Variants in PIP4K2A observed in about 807,000 individuals in gnomAD.
PIP4K2A encodes the protein phosphatidylinositol-5-phosphate 4-kinase type 2 alpha.
PIP4K2A carries 14 observed loss-of-function variants against 42.9 expected under a neutral mutation model. The ratio of observed to expected loss-of-function variants is 0.33; its 90% CI spans 0.22 to 0.51. The LOEUF (loss-of-function observed/expected upper bound fraction) is 0.51. Ranked by LOEUF, PIP4K2A falls within the 20% of genes least tolerant of loss-of-function variation. The pLI, the probability that PIP4K2A is intolerant of heterozygous loss-of-function variation, is 0.97. For synonymous variants in PIP4K2A, 192 were observed against 192.2 expected (o/e 1.00, Z 0.01); for missense variants, 434 against 519.8 (o/e 0.83, Z 1.61).
At chr10:22,688,170 G>A (rs917774008) in intron 1 of PIP4K2A, among the ~76,000 whole-genome samples, 2 of 152,124 alleles carry the variant, frequency 1.3e-5, no homozygotes, top group African/African-American at 4.8e-5. Context: ...CCACCAAAGT[G>A]ACAATAATCT....
chr10:22,666,672 T>C (rs954719099), intron 1 of PIP4K2A, among the ~76,000 whole-genome samples: 1 of 152,192 alleles, frequency 6.6e-6, no homozygotes, highest in African/African-American at 2.4e-5. Flanking sequence ...TCTTCTTAAG[T>C]TCTCCCTGCA....
intron 1 of PIP4K2A, among the ~76,000 whole-genome samples, chr10:22,612,850 G>A (rs1838086198): frequency 6.6e-6 from 1 of 152,146 alleles, no homozygotes; most frequent in Non-Finnish European, 1.5e-5. Flanking sequence ...GGACAGGTGG[G>A]TCTGAAGTTC....
chr10:22,648,428 C>A (rs1838928734), intron 1 of PIP4K2A, among the ~76,000 whole-genome samples: 1 of 152,150 alleles, frequency 6.6e-6, no homozygotes, highest in Non-Finnish European at 1.5e-5. Flanking sequence ...ATATTTCTTC[C>A]ATGGGACAAC....
chr10:22,697,712 C>A (rs919240435), intron 1 of PIP4K2A, among the ~76,000 whole-genome samples: 1 of 150,964 alleles, frequency 6.6e-6, no homozygotes, highest in Non-Finnish European at 1.5e-5. Context: ...GGTAACAGGG[C>A]AAAACTGCAT....
intron 1 of PIP4K2A, among the ~76,000 whole-genome samples, chr10:22,677,240 G>C (rs914393415): frequency 1.3e-5 from 2 of 151,960 alleles, no homozygotes; most frequent in Non-Finnish European, 2.9e-5. Context: ...TCCGGGCACC[G>C]ATTCCACACC....
chr10:22,566,413 C>T (rs1244607258), intron 6 of PIP4K2A, among the ~76,000 whole-genome samples: 1 of 152,192 alleles, frequency 6.6e-6, no homozygotes, highest in African/African-American at 2.4e-5. Flanking sequence ...GGAATGAACA[C>T]CTACCTACCC....
intron 1 of PIP4K2A, among the ~76,000 whole-genome samples, chr10:22,700,886 A>G (rs1833701305): frequency 6.6e-6 from 1 of 152,254 alleles, no homozygotes; most frequent in Admixed American, 6.5e-5. Context: ...CACAAACAAA[A>G]GTAATTTAAA....
intron 1 of PIP4K2A, among the ~76,000 whole-genome samples, chr10:22,707,419 T>A (rs1833842084): frequency 6.6e-6 from 1 of 152,236 alleles, no homozygotes; most frequent in Non-Finnish European, 1.5e-5. Flanking sequence ...TAAAACTCCC[T>A]ACAACATTTT....
chr10:22,551,685 A>G (rs1159070894), intron 6 of PIP4K2A, among the ~76,000 whole-genome samples: 1 of 152,242 alleles, frequency 6.6e-6, no homozygotes, highest in Non-Finnish European at 1.5e-5. Context: ...TTTCAGCAGA[A>G]AGAAATCCAA....
At chr10:22,599,986 C>T (rs946850722) in intron 3 of PIP4K2A, among the ~76,000 whole-genome samples, 7 of 150,082 alleles carry the variant, frequency 4.7e-5, no homozygotes, top group African/African-American at 7.6e-5. Context: ...TGTTTATTTC[C>T]GCAGTCGGAG....
intron 1 of PIP4K2A, among the ~76,000 whole-genome samples, chr10:22,674,971 T>TAA (rs200278480): frequency 2.0e-5 from 3 of 149,042 alleles, no homozygotes; most frequent in African/African-American, 7.6e-5. Context: ...ATTCTGTCTT[T>TAA]AAAAAACAAA....
chr10:22,653,046 AT>A (rs1831519196), intron 1 of PIP4K2A, among the ~76,000 whole-genome samples: 1 of 152,066 alleles, frequency 6.6e-6, no homozygotes, highest in Non-Finnish European at 1.5e-5. Flanking sequence ...GTGAGCTATG[AT>A]GGTGCTGCTG....
In PIP4K2A at chr10:22,713,301, C is replaced by G. The variant is rs1020055878; in HGVS notation, c.144+882G>C. On this transcript the variant is annotated intron_variant, in intron 1 of 9. Transcript: ENST00000376573. ...TGTGCGTGACGCTAACCTTTCCACGCGTTCTCCAGCCTTTCCCACACCCCC... is the reference window on the plus strand; with the variant it reads ...TGTGCGTGACGCTAACCTTTCCACGGGTTCTCCAGCCTTTCCCACACCCCC... 5.9e-5 allele frequency among the ~76,000 whole-genome samples: 9 copies of G among 152,196 alleles called. 1 individual carries two copies. Among genetic ancestry groups the G allele is most frequent in the Non-Finnish European group, 7.3e-5 (5 of 68,040 alleles).
chr10:22,644,959 A>G (rs755847736), intron 1 of PIP4K2A, among the ~76,000 whole-genome samples: 28 of 152,230 alleles, frequency 1.8e-4, no homozygotes, highest in Middle Eastern at 3.2e-3. Flanking sequence ...AATCCATAAG[A>G]GTCAGTAAAT....
intron 1 of PIP4K2A, among the ~76,000 whole-genome samples, chr10:22,692,409 A>G (rs1839891274): frequency 6.6e-6 from 1 of 152,104 alleles, no homozygotes; most frequent in African/African-American, 2.4e-5. Context: ...CTAACAGGCC[A>G]TGGACCACTA....
At chr10:22,681,319 A>C (rs1839656491) in intron 1 of PIP4K2A, among the ~76,000 whole-genome samples, 1 of 152,158 alleles carries the variant, frequency 6.6e-6, no homozygotes, top group South Asian at 2.1e-4. Context: ...GGGAGGTTGG[A>C]GGGGACCTCT....
intron 1 of PIP4K2A, among the ~76,000 whole-genome samples, chr10:22,689,348 T>C (rs890508050): frequency 1.3e-5 from 2 of 152,186 alleles, no homozygotes; most frequent in Admixed American, 6.5e-5. Flanking sequence ...ATCACCTAGA[T>C]GAAGCCCACA....
At chr10:22,623,385 CAG>C (rs981386582) in intron 1 of PIP4K2A, among the ~76,000 whole-genome samples, 21 of 152,134 alleles carry the variant, frequency 1.4e-4, no homozygotes, top group Non-Finnish European at 1.5e-4. Flanking sequence ...GCGTCTAACT[CAG>C]GGGCAGACCG....
chr10:22,605,143 G>A (rs1837879032), intron 3 of PIP4K2A, among the ~76,000 whole-genome samples: 1 of 152,022 alleles, frequency 6.6e-6, no homozygotes, highest in Admixed American at 6.5e-5. Context: ...GAGGGAAGAA[G>A]AGTATACCTC....
Sources: allele counts gnomAD v4.1 joint callset (sites outside exome capture counted in the v4.1 genomes callset), GRCh38; gene constraint gnomAD v4.1.1; transcripts MANE v1.5; gene names NCBI Gene and HGNC (gene_info 2026-07-23, HGNC 2026-07-21).